The following SLC30A9 variants were observed in gnomAD, a reference collection of about 807,000 sequenced individuals.
SLC30A9 encodes the protein solute carrier family 30 member 9.
SLC30A9 carries 58 observed loss-of-function variants against 87.5 expected under a neutral mutation model. That is an observed-to-expected ratio of 0.66 (90% confidence interval 0.54 to 0.82). SLC30A9 has a LOEUF of 0.82. SLC30A9 is among the 40% of genes least tolerant of loss of function. The probability of loss-of-function intolerance (pLI) is 0.00; values close to 1 mark genes in which losing one functional copy is unlikely to be tolerated. For synonymous variants in SLC30A9, 234 were observed against 233.0 expected, an observed-to-expected ratio of 1.00 and a Z score of -0.04; for missense variants, 557 against 679.1, an observed-to-expected ratio of 0.82 and a Z score of 2.00.
chr4:42,028,760 A>G (rs1716295667), intron 6 of SLC30A9, among the ~76,000 whole-genome samples: 1 of 152,228 alleles, frequency 6.6e-6, no homozygotes. Context: ...ACTGCATTTC[A>G]GTGGTTTAGC....
chr4:42,031,915 A>G (rs1210025110), intron 6 of SLC30A9, among the ~76,000 whole-genome samples: 1 of 152,210 alleles, frequency 6.6e-6, no homozygotes, highest in African/African-American at 2.4e-5. Flanking sequence ...GTATTGCTAT[A>G]AAGAAATACC....
chr4:42,076,519 T>C (rs773552629), intron 16 of SLC30A9, among the ~76,000 whole-genome samples: 14 of 152,186 alleles, frequency 9.2e-5, no homozygotes, highest in African/African-American at 1.7e-4. Flanking sequence ...GTCTCTACAA[T>C]TGGCATAACA....
Position 42,018,650 on chromosome 4 carries a change from C to T in SLC30A9, c.334+480C>T, listed in dbSNP as rs992275269. On this transcript the variant is annotated intron_variant, in intron 3 of 17. Coordinates refer to ENST00000264451, the MANE Select transcript of SLC30A9 (RefSeq NM_006345.4). ...GAGGCAGCAACTCTATGATTAACAG[C>T]ACTGTGGCTTTGGCATCAGATAAAA... The T allele has an allele frequency of 2.1e-4, 47 of 218,800 alleles. 1 individual carries two copies. The highest frequency in any genetic ancestry group is 9.4e-4 in the African/African-American group (40 of 42,394). The allele number at this position is 218,800 out of a possible 1,614,324, so 13.6% of individuals were successfully genotyped here.
At chr4:42,055,968 T>C (rs1717593487) in intron 9 of SLC30A9, among the ~76,000 whole-genome samples, 1 of 152,170 alleles carries the variant, frequency 6.6e-6, no homozygotes, top group Non-Finnish European at 1.5e-5. Flanking sequence ...ATATACGTAC[T>C]GATAGAGATT....
chr4:42,044,629 C>T (rs1389406973), intron 8 of SLC30A9, among the ~76,000 whole-genome samples: 1 of 152,022 alleles, frequency 6.6e-6, no homozygotes, highest in Non-Finnish European at 1.5e-5. Flanking sequence ...ACACTTTAAC[C>T]CCTCATTGTC....
chr4:42,044,405 G>C (rs1287192196), intron 8 of SLC30A9, among the ~76,000 whole-genome samples: 4 of 85,840 alleles, frequency 4.7e-5, no homozygotes, highest in African/African-American at 7.4e-5. Flanking sequence ...AAAAAAAAAA[G>C]CAGGGTTGCA....
intron 2 of SLC30A9, among the ~76,000 whole-genome samples, chr4:42,014,130 G>C (rs1406033247): frequency 6.6e-6 from 1 of 152,164 alleles, no homozygotes; most frequent in Non-Finnish European, 1.5e-5. Flanking sequence ...GTATGAAAAA[G>C]TGCTTAACAT....
chr4:42,057,417 C>T (rs993559250), intron 9 of SLC30A9, among the ~76,000 whole-genome samples: 1 of 152,222 alleles, frequency 6.6e-6, no homozygotes, highest in Non-Finnish European at 1.5e-5. Context: ...ACAGGCCCAA[C>T]ACCACGTGGA....
chr4:42,079,606 A>ATT (rs34885731), intron 17 of SLC30A9, among the ~76,000 whole-genome samples: 114 of 140,256 alleles, frequency 8.1e-4, no homozygotes, highest in East Asian at 2.2e-3. Flanking sequence ...ACCCAGTCAC[A>ATT]TTTTTTTTTT....
intron 16 of SLC30A9, among the ~76,000 whole-genome samples, chr4:42,076,762 T>A (rs1718568337): frequency 6.6e-6 from 1 of 151,412 alleles, no homozygotes; most frequent in African/African-American, 2.4e-5. Flanking sequence ...AAGAGATCGA[T>A]CCCATCCTGG....
intron 6 of SLC30A9, among the ~76,000 whole-genome samples, chr4:42,033,651 C>G (rs1053700605): frequency 6.6e-6 from 1 of 152,154 alleles, no homozygotes; most frequent in African/African-American, 2.4e-5. Context: ...TCTTGGCTCA[C>G]TGCAACCTCC....
Position 42,070,689 on chromosome 4 carries a change from A to C in SLC30A9, c.1416A>C (p.Val472=). ...AACTCCTGGAGAATGACCCATCAGTAAGGTCAGCCTTATTCCAGTAATCCT... is the reference window on the plus strand; with the variant it reads ...AACTCCTGGAGAATGACCCATCAGTCAGGTCAGCCTTATTCCAGTAATCCT... ...LTELLENDPS[V]RAIHDVKATD... is the part of the protein sequence containing the mutation. The change falls in exon 15 of 18, where the codon GTA becomes GTC. Residue 472 remains valine, a splice_region_variant and synonymous_variant. Transcript: ENST00000264451. 2 of 1,613,304 alleles carry C rather than the reference A, an allele frequency of 1.2e-6. No individual in the cohort carries two copies. Among genetic ancestry groups the C allele is most frequent in the Non-Finnish European group, 1.7e-6 (2 of 1,179,472 alleles).
intron 8 of SLC30A9, among the ~76,000 whole-genome samples, chr4:42,045,385 C>T (rs1385012138): frequency 6.6e-6 from 1 of 152,016 alleles, no homozygotes; most frequent in Non-Finnish European, 1.5e-5. Context: ...GGGGATGTCA[C>T]CACTGATCCC....
At position 42,016,490 on chromosome 4, in the gene SLC30A9, ATTAT is replaced by A. The variant is rs1004093606; in HGVS notation, c.275-1617_275-1614del. On this transcript the variant is annotated intron_variant, in intron 2 of 17. Transcript: ENST00000264451. ...CTTTATACATTTGTATATAGCCCTGATTATTTACTTTTGCTTGTTTGTGAACTTC... is the reference window on the plus strand; with the variant it reads ...CTTTATACATTTGTATATAGCCCTGATTACTTTTGCTTGTTTGTGAACTTC... Among the ~76,000 whole-genome samples, 24 of 152,154 alleles carry A rather than the reference ATTAT, an allele frequency of 1.6e-4. 1 individual carries two copies. The highest frequency in any genetic ancestry group is 5.1e-4 in the African/African-American group (21 of 41,538).
intron 1 of SLC30A9, among the ~76,000 whole-genome samples, chr4:41,992,251 G>T (rs1326065429): frequency 1.3e-5 from 2 of 151,862 alleles, no homozygotes; most frequent in African/African-American, 4.8e-5. Context: ...TGAGGTGGGA[G>T]GATCGCTTGA....
At chr4:42,073,379 T>G (rs1389781992) in intron 15 of SLC30A9, among the ~76,000 whole-genome samples, 1 of 152,140 alleles carries the variant, frequency 6.6e-6, no homozygotes, top group Admixed American at 6.5e-5. Flanking sequence ...TGTGGAAGAG[T>G]GAATATCTGT....
intron 9 of SLC30A9, among the ~76,000 whole-genome samples, chr4:42,049,737 T>C (rs1395574072): frequency 6.6e-6 from 1 of 152,226 alleles, no homozygotes; most frequent in Non-Finnish European, 1.5e-5. Flanking sequence ...GGTCTCTGAA[T>C]ATGAATTCTC....
In SLC30A9 at chr4:42,090,398, T is replaced by C. The variant is rs1272650829; in HGVS notation, c.*4272T>C. 1 of 152,220 alleles carries C rather than the reference T, an allele frequency of 6.6e-6. No individual in the cohort carries two copies. The highest frequency in any genetic ancestry group is 1.9e-4 in the East Asian group (1 of 5,202). 9.4% of individuals were successfully genotyped at this position (152,220 alleles called of 1,614,324 possible). ...GTCTGATTTCCCTGGCACATTAAGA[T>C]GGTCCTGGTCCCTCAGGATACTTTT... is the stretch of plus-strand genomic sequence containing the variant. On this transcript the variant is annotated 3_prime_UTR_variant, in exon 18 of 18. Transcript: ENST00000264451.
chr4:42,009,324 T>C (rs1715347229), intron 2 of SLC30A9, among the ~76,000 whole-genome samples: 1 of 152,222 alleles, frequency 6.6e-6, no homozygotes, highest in East Asian at 1.9e-4. Context: ...GATTGAAAGA[T>C]AATTTGTATA....
Sources: allele counts gnomAD v4.1 joint callset (sites outside exome capture counted in the v4.1 genomes callset), GRCh38; gene constraint gnomAD v4.1.1; transcripts MANE v1.5; gene names NCBI Gene and HGNC (gene_info 2026-07-23, HGNC 2026-07-21).